Variants in ELMO1 observed in about 807,000 individuals in gnomAD.
The protein encoded by ELMO1 is engulfment and cell motility protein 1.
A neutral mutation model predicts 98.9 loss-of-function variants in ELMO1; 26 were observed. The ratio of observed to expected loss-of-function variants is 0.26; its 90% CI spans 0.19 to 0.36. The LOEUF is 0.36. Ranked by LOEUF, ELMO1 falls within the 10% of genes least tolerant of loss-of-function variation. The probability of loss-of-function intolerance (pLI) is 1.00; values close to 1 mark genes in which losing one functional copy is unlikely to be tolerated. For synonymous variants in ELMO1, 346 were observed against 346.0 expected, an observed-to-expected ratio of 1.00 and a Z score of 0.00; for missense variants, 627 against 935.2, an observed-to-expected ratio of 0.67 and a Z score of 4.30.
At chr7:37,137,369 A>G (rs1484731061) in intron 13 of ELMO1, among the ~76,000 whole-genome samples, 2 of 152,296 alleles carry the variant, frequency 1.3e-5, no homozygotes, top group African/African-American at 2.4e-5. Context: ...GGTCATCAAG[A>G]CAGAAAGTCA....
At chr7:37,135,794 T>A (rs1787229568) in intron 13 of ELMO1, among the ~76,000 whole-genome samples, 1 of 152,174 alleles carries the variant, frequency 6.6e-6, no homozygotes, top group Non-Finnish European at 1.5e-5. Context: ...AGAAAAACAA[T>A]TCTGGTAATA....
At chr7:37,308,229 A>G (rs1394764907) in intron 4 of ELMO1, among the ~76,000 whole-genome samples, 3 of 152,230 alleles carry the variant, frequency 2.0e-5, no homozygotes, top group East Asian at 3.8e-4. Context: ...AACAGAGTGT[A>G]TTCAGAGTAA....
chr7:37,329,791 TAATC>T (rs1800005938), intron 2 of ELMO1, among the ~76,000 whole-genome samples: 1 of 152,182 alleles, frequency 6.6e-6, no homozygotes, highest in Non-Finnish European at 1.5e-5. Flanking sequence ...CCCACACACA[TAATC>T]AATCATCAAT....
At chr7:37,425,375 C>T (rs1027049795) in intron 1 of ELMO1, among the ~76,000 whole-genome samples, 8 of 152,206 alleles carry the variant, frequency 5.3e-5, no homozygotes, top group Admixed American at 3.9e-4. Flanking sequence ...CTTTCTAATA[C>T]CATCATATTA....
At chr7:37,143,231 G>C (rs996464826) in intron 13 of ELMO1, among the ~76,000 whole-genome samples, 1 of 152,070 alleles carries the variant, frequency 6.6e-6, no homozygotes, top group Non-Finnish European at 1.5e-5. Context: ...TGGGTAGCTT[G>C]CCCAAAGTTT....
chr7:36,893,765 A>G (rs1309200453), intron 17 of ELMO1, among the ~76,000 whole-genome samples: 5 of 152,120 alleles, frequency 3.3e-5, no homozygotes. Context: ...TAGCCTTTGC[A>G]TAGGAGTAAG....
intron 13 of ELMO1, 80 bp downstream of exon 13, chr7:37,211,306 G>A (rs777734078): frequency 2.6e-5 from 41 of 1,600,148 alleles, no homozygotes; most frequent in African/African-American, 9.4e-5. Context: ...CCACACGCTC[G>A]GAAGAGACAT....
intron 17 of ELMO1, among the ~76,000 whole-genome samples, chr7:36,891,273 G>C (rs1805524553): frequency 6.6e-6 from 1 of 152,166 alleles, no homozygotes; most frequent in Admixed American, 6.5e-5. Context: ...CCAACACATA[G>C]AATAGTGTCT....
chr7:37,413,034 G>C (rs929942316), intron 1 of ELMO1, among the ~76,000 whole-genome samples: 2 of 152,172 alleles, frequency 1.3e-5, no homozygotes, highest in African/African-American at 4.8e-5. Flanking sequence ...AATTATGAAA[G>C]AGAATAAATT....
At chr7:36,889,703 CT>C (rs925672559) in intron 17 of ELMO1, among the ~76,000 whole-genome samples, 1 of 152,210 alleles carries the variant, frequency 6.6e-6, no homozygotes, top group Non-Finnish European at 1.5e-5. Flanking sequence ...TGCTTTATGA[CT>C]TTTTTGTGTA....
Position 37,203,871 on chromosome 7 carries a change from G to A in ELMO1, c.1086+7515C>T, listed in dbSNP as rs188599835. 3.5e-3 allele frequency among the ~76,000 whole-genome samples: 530 copies of A among 151,570 alleles called. 5 individuals carry two copies. The highest frequency in any genetic ancestry group is 5.7e-3 in the Non-Finnish European group (384 of 67,908). On this transcript the variant is annotated intron_variant, in intron 13 of 21. Coordinates refer to ENST00000310758, the MANE Select transcript of ELMO1 (RefSeq NM_014800.11). The stretch of plus-strand genomic sequence containing the variant: ...ATGGCTTTCCTCTCTGTCGACCCTC[G>A]GCTCAGCCCAGAAGTACAGGAAAAG...
At chr7:37,232,977 C>A (rs1222296806) in intron 8 of ELMO1, 118 bp downstream of exon 8, 11 of 864,590 alleles carry the variant, frequency 1.3e-5, no homozygotes, top group Non-Finnish European at 1.2e-5. Flanking sequence ...AAAAATCATA[C>A]CCATCTTTTA....
intron 14 of ELMO1, among the ~76,000 whole-genome samples, chr7:37,106,788 T>C (rs919042344): frequency 6.6e-6 from 1 of 152,124 alleles, no homozygotes. Flanking sequence ...ACACACTTCA[T>C]TGTAATTTTT....
intron 1 of ELMO1, among the ~76,000 whole-genome samples, chr7:37,417,688 A>ACACACACACACACACACACACACACACAC (rs1554310019): frequency 6.8e-6 from 1 of 147,320 alleles, no homozygotes; most frequent in African/African-American, 2.6e-5. Context: ...ACACACAAGC[A>ACACACACACACACACACACACACACACAC]AAAATTAGCT....
intron 13 of ELMO1, among the ~76,000 whole-genome samples, chr7:37,160,320 A>G (rs79651870): frequency 0.046 from 7,057 of 152,274 alleles, 186 homozygotes; most frequent in Middle Eastern, 0.13. Flanking sequence ...TTTCTCTAAG[A>G]AATATTAATA....
intron 16 of ELMO1, among the ~76,000 whole-genome samples, chr7:36,965,835 A>G (rs758642691): frequency 6.6e-6 from 1 of 152,202 alleles, no homozygotes; most frequent in African/African-American, 2.4e-5. Context: ...ATCCGCCTGT[A>G]TGATGTCATC....
Position 37,072,434 on chromosome 7 carries a change from C to T in ELMO1, c.1300+24185G>A, listed in dbSNP as rs557449970. ...CGTACGATGTGACTGCCATGTGGAA[C>T]TGTAAGTTCATTAAACCTCTTTCTT... is the stretch of plus-strand genomic sequence containing the variant. On this transcript the variant is annotated intron_variant, in intron 15 of 21. Transcript: ENST00000310758. Among the ~76,000 whole-genome samples the T allele has an allele frequency of 1.3e-4, 19 of 149,258 alleles. No homozygotes were observed. In the South Asian group the frequency reaches 3.9e-3, roughly 30 times the overall value.
At chr7:37,103,648 G>A (rs1248475790) in intron 14 of ELMO1, among the ~76,000 whole-genome samples, 3 of 151,894 alleles carry the variant, frequency 2.0e-5, no homozygotes, top group East Asian at 3.9e-4. Flanking sequence ...TGCACGTTGT[G>A]CACATGTACC....
At chr7:37,044,734 A>C (rs926330037) in intron 15 of ELMO1, among the ~76,000 whole-genome samples, 8 of 152,178 alleles carry the variant, frequency 5.3e-5, no homozygotes, top group Non-Finnish European at 1.2e-4. Context: ...AGCGAGATGC[A>C]TGGTTCCAAC....
Sources: allele counts gnomAD v4.1 joint callset (sites outside exome capture counted in the v4.1 genomes callset), GRCh38; gene constraint gnomAD v4.1.1; transcripts MANE v1.5; gene names NCBI Gene and HGNC (gene_info 2026-07-23, HGNC 2026-07-21).